The following TNIK variants were observed in gnomAD, a reference collection of about 807,000 sequenced individuals.
TNIK encodes the protein TRAF2 and NCK interacting kinase.
In TNIK, 49 loss-of-function variants were observed where a neutral mutation model predicts 191.3. The observed-to-expected ratio is 0.26, with a 90% confidence interval of 0.20 to 0.32. TNIK has a LOEUF of 0.32. Ranked by LOEUF, TNIK falls within the 10% of genes least tolerant of loss-of-function variation. TNIK has a pLI of 1.00. For synonymous variants in TNIK, 594 were observed against 600.9 expected, an observed-to-expected ratio of 0.99 and a Z score of 0.17; for missense variants, 1,155 against 1,702.3, an observed-to-expected ratio of 0.68 and a Z score of 5.66.
At position 171,247,332 on chromosome 3, in the gene TNIK, T is replaced by A. The variant is rs562103282; in HGVS notation, c.124-19111A>T. On this transcript the variant is annotated intron_variant, in intron 2 of 32. Transcript: ENST00000436636. ...AGGCTGGCAGTGAAAAGAGAATAGA[T>A]CCAAAGAATAAATAAGTAGAATCAA... Among the ~76,000 whole-genome samples, 3 of 152,238 alleles carry A rather than the reference T, an allele frequency of 2.0e-5. No homozygotes were observed. In the South Asian group the frequency reaches 6.2e-4, roughly 32 times the overall value.
chr3:171,110,136 A>G lies in TNIK; in HGVS notation c.2284+578T>C, dbSNP rs1264059289. Among the ~76,000 whole-genome samples the G allele has an allele frequency of 2.0e-5, 3 of 152,146 alleles. No homozygotes were observed. The South Asian group carries it at 6.2e-4, about 32-fold the overall frequency. ...AGTCAGGCTGATCTTGGAACTCCCGACCTTAGGTGATCTGCCTGCCTTGGC... is the reference window on the plus strand; with the variant it reads ...AGTCAGGCTGATCTTGGAACTCCCGGCCTTAGGTGATCTGCCTGCCTTGGC... On this transcript the variant is annotated intron_variant, in intron 19 of 32. Coordinates refer to ENST00000436636, the MANE Select transcript of TNIK (RefSeq NM_015028.4).
chr3:171,236,945 T>C (rs757085623), intron 2 of TNIK, among the ~76,000 whole-genome samples: 2 of 151,892 alleles, frequency 1.3e-5, no homozygotes, highest in Non-Finnish European at 2.9e-5. Context: ...TTGGGGGAAA[T>C]AGATGATAAT....
rs1028281202 is a variant in TNIK, at chr3:171,128,918, A to G, written c.1609-40T>C. 6 of 1,485,072 alleles carry G rather than the reference A, an allele frequency of 4.0e-6. No individual in the cohort carries two copies. In the Admixed American group the frequency reaches 7.3e-5, roughly 18 times the overall value. 92.0% of individuals were successfully genotyped at this position (1,485,072 alleles called of 1,614,324 possible). A position where few individuals can be genotyped will look rare whatever the true frequency, so the allele number is the denominator to read the frequency against. The stretch of plus-strand genomic sequence containing the variant: ...AAAAAAAAAAAAAAAGACAGCCTCA[A>G]TGTATAGAAGTAGATCACCTTCTAG... On this transcript the variant is annotated intron_variant, in intron 15 of 32. Coordinates refer to ENST00000436636, the MANE Select transcript of TNIK (RefSeq NM_015028.4).
intron 2 of TNIK, among the ~76,000 whole-genome samples, chr3:171,242,526 T>A (rs938444480): frequency 6.6e-6 from 1 of 152,072 alleles, no homozygotes; most frequent in Non-Finnish European, 1.5e-5. Flanking sequence ...TTTTTTTTTT[T>A]ATCATTTAAC....
rs201897939 is a variant in TNIK, at chr3:171,190,797, T to G, written c.418-10A>C. ...GCAGGTGACTCAGCCCCTGGAGTGA[T>G]GGAGAGTTAAGAAGGGTTAATAGGA... On this transcript the variant is annotated splice_polypyrimidine_tract_variant and intron_variant, in intron 5 of 32. Transcript: ENST00000436636. The G allele has an allele frequency of 1.3e-6, 2 of 1,578,208 alleles. No homozygotes were observed.
chr3:171,392,814 T>C (rs1041736109), intron 1 of TNIK, among the ~76,000 whole-genome samples: 5 of 137,524 alleles, frequency 3.6e-5, no homozygotes, highest in Non-Finnish European at 8.0e-5. Flanking sequence ...AGAAAGAAAA[T>C]ACAGTTATCA....
intron 2 of TNIK, among the ~76,000 whole-genome samples, chr3:171,328,676 T>C (rs1410782504): frequency 6.6e-6 from 1 of 152,212 alleles, no homozygotes; most frequent in Non-Finnish European, 1.5e-5. Flanking sequence ...GTGAGAAGGA[T>C]TTAAATGTTC....
Position 171,059,240 on chromosome 3 carries a change from C to A in TNIK, c.*4641G>T, listed in dbSNP as rs550285805. Among the ~76,000 whole-genome samples the A allele has an allele frequency of 6.6e-6, 1 of 152,232 alleles. No homozygotes were observed. Among genetic ancestry groups the A allele is most frequent in the Admixed American group, 6.5e-5 (1 of 15,276 alleles). ...TTAACTGTATTTTCTACTTTTCATC[C>A]AAACATTTGTCATCATGGACTCAGA... On this transcript the variant is annotated 3_prime_UTR_variant, in exon 33 of 33. Transcript: ENST00000436636.
chr3:171,160,339 A>G (rs2108730366), intron 11 of TNIK, among the ~76,000 whole-genome samples: 1 of 152,246 alleles, frequency 6.6e-6, no homozygotes, highest in South Asian at 2.1e-4. Flanking sequence ...AACACATGGT[A>G]TCTGGCTCAT....
intron 12 of TNIK, among the ~76,000 whole-genome samples, chr3:171,146,822 G>A (rs1439381161): frequency 2.0e-5 from 3 of 151,458 alleles, no homozygotes; most frequent in Non-Finnish European, 4.4e-5. Context: ...CCCAGGAGGC[G>A]GAGGTTGCAG....
chr3:171,077,682 C>T (rs1250213234), intron 28 of TNIK, among the ~76,000 whole-genome samples: 1 of 152,076 alleles, frequency 6.6e-6, no homozygotes, highest in South Asian at 2.1e-4. Context: ...AAAACTTTGG[C>T]TCTCTTGGGT....
chr3:171,251,706 T>G (rs1305396949), intron 2 of TNIK, among the ~76,000 whole-genome samples: 1 of 152,244 alleles, frequency 6.6e-6, no homozygotes, highest in Non-Finnish European at 1.5e-5. Flanking sequence ...AAACTTGTAC[T>G]CAAAATGAAT....
At chr3:171,355,524 G>A (rs534269976) in intron 2 of TNIK, among the ~76,000 whole-genome samples, 2 of 152,308 alleles carry the variant, frequency 1.3e-5, no homozygotes, top group Non-Finnish European at 2.9e-5. Context: ...CTTTTGAAGA[G>A]AATATAAAAT....
At chr3:171,214,323 A>G (rs973157573) in intron 3 of TNIK, among the ~76,000 whole-genome samples, 1 of 152,086 alleles carries the variant, frequency 6.6e-6, no homozygotes, top group Non-Finnish European at 1.5e-5. Flanking sequence ...CAAAAATGCA[A>G]AGAGAGCAAG....
At chr3:171,265,038 T>C (rs952276096) in intron 2 of TNIK, among the ~76,000 whole-genome samples, 3 of 152,148 alleles carry the variant, frequency 2.0e-5, no homozygotes, top group African/African-American at 7.2e-5. Flanking sequence ...CCACGTGGCA[T>C]GGCATGGCAC....
chr3:171,448,992 AACAT>A (rs375125259), intron 1 of TNIK, among the ~76,000 whole-genome samples: 173 of 152,132 alleles, frequency 1.1e-3, no homozygotes, highest in African/African-American at 3.9e-3. Context: ...TATGAGTAAG[AACAT>A]ACAGTGTTTG....
intron 1 of TNIK, among the ~76,000 whole-genome samples, chr3:171,414,378 C>G (rs534956969): frequency 6.6e-6 from 1 of 152,248 alleles, no homozygotes; most frequent in South Asian, 2.1e-4. Context: ...CTTGAAGTAA[C>G]TATTTGTCAT....
intron 2 of TNIK, among the ~76,000 whole-genome samples, chr3:171,276,004 A>G (rs1046640860): frequency 3.9e-5 from 6 of 152,136 alleles, no homozygotes; most frequent in Non-Finnish European, 5.9e-5. Context: ...ACTTTTCAAG[A>G]GCAAGCCTGA....
chr3:171,134,699 T>G (rs1367364959), intron 15 of TNIK, among the ~76,000 whole-genome samples: 1 of 152,182 alleles, frequency 6.6e-6, no homozygotes, highest in Non-Finnish European at 1.5e-5. Flanking sequence ...TCAACAAGAT[T>G]TGCAAATGAC....
Sources: allele counts gnomAD v4.1 joint callset (sites outside exome capture counted in the v4.1 genomes callset), GRCh38; gene constraint gnomAD v4.1.1; transcripts MANE v1.5; gene names NCBI Gene and HGNC (gene_info 2026-07-23, HGNC 2026-07-21).